Variants in ITGA11 observed in about 807,000 individuals in gnomAD.
ITGA11 encodes the protein integrin alpha-11.
ITGA11 carries 97 observed loss-of-function variants against 141.9 expected under a neutral mutation model. The observed-to-expected ratio is 0.68, with a 90% CI of 0.58 to 0.81. The LOEUF is 0.81. Among genes scored for constraint, ITGA11 ranks in the 30% least tolerant of loss-of-function variants. ITGA11 has a pLI of 0.00. For missense variants in ITGA11, 1,387 were observed against 1,559.2 expected (o/e 0.89, Z 1.86); for synonymous variants, 658 against 624.6 (o/e 1.05, Z -0.80).
intron 1 of ITGA11, among the ~76,000 whole-genome samples, chr15:68,405,905 C>T (rs7177979): frequency 0.55 from 83,044 of 151,918 alleles, 22,935 homozygotes; most frequent in Admixed American, 0.58. Flanking sequence ...CATGTATGCA[C>T]GCACGTGCAC....
Position 68,402,970 on chromosome 15 carries a change from T to A in ITGA11, c.112A>T (p.Thr38Ser). Residue 38 changes from threonine to serine, a missense_variant, in exon 2 of 30, where the codon ACC becomes TCC. Transcript: ENST00000315757. ...TGCACTGTGTAGCCAAAGAAGGCGG[T>A]CCTGGAGCCAGGGATGACCCGGGGC... ...RKPRVIPGSR[T>S]AFFGYTVQQH... 1 of 1,613,840 alleles carries A rather than the reference T, an allele frequency of 6.2e-7. No individual in the cohort carries two copies. The highest frequency in any genetic ancestry group is 8.5e-7 in the Non-Finnish European group (1 of 1,179,814).
chr15:68,414,237 C>T (rs894769808), intron 1 of ITGA11, among the ~76,000 whole-genome samples: 2 of 152,212 alleles, frequency 1.3e-5, no homozygotes, highest in Non-Finnish European at 2.9e-5. Context: ...AGCACCAGCT[C>T]CTTTGAGGCA....
chr15:68,320,262 T>G lies in ITGA11; in HGVS notation c.2539A>C (p.Arg847=), dbSNP rs903311852. The G allele has an allele frequency of 6.2e-7, 1 of 1,614,038 alleles. No homozygotes were observed. The highest frequency in any genetic ancestry group is 8.5e-7 in the Non-Finnish European group (1 of 1,179,892). ...ACCGTGCTGTAGGCGTTCTCGCCCC[T>G]GTTCTCCAGTGTGGCCTCCACCGCC... ...RVAVEATLEN[R]GENAYSTVLN... The change falls in exon 20 of 30, where the codon AGG becomes CGG. Residue 847 remains arginine (R), a synonymous_variant. Transcript: ENST00000315757.
At chr15:68,388,625 T>C (rs1896043083) in intron 2 of ITGA11, among the ~76,000 whole-genome samples, 1 of 152,180 alleles carries the variant, frequency 6.6e-6, no homozygotes, top group Admixed American at 6.5e-5. Flanking sequence ...TCAAGAAGTA[T>C]TAATGGAATG....
chr15:68,312,581 T>C (rs546504223), intron 24 of ITGA11, among the ~76,000 whole-genome samples, 192 bp downstream of exon 24: 2 of 152,110 alleles, frequency 1.3e-5, no homozygotes, highest in South Asian at 4.2e-4. Flanking sequence ...CCCACTGCAG[T>C]CCAGTTGTTT....
intron 22 of ITGA11, 100 bp downstream of exon 22, chr15:68,315,551 G>A (rs1322145054): frequency 3.0e-6 from 3 of 998,704 alleles, no homozygotes; most frequent in African/African-American, 3.2e-5. Context: ...ACAGGGCGTG[G>A]GGCAGCGGAC....
chr15:68,372,395 C>T (rs1355259636), intron 2 of ITGA11, among the ~76,000 whole-genome samples: 1 of 152,166 alleles, frequency 6.6e-6, no homozygotes, highest in Non-Finnish European at 1.5e-5. Flanking sequence ...CTCTCGGGGG[C>T]TTGATACCCT....
chr15:68,345,468 C>T (rs542732394), intron 10 of ITGA11, among the ~76,000 whole-genome samples: 100 of 152,304 alleles, frequency 6.6e-4, no homozygotes, highest in Non-Finnish European at 8.7e-4. Flanking sequence ...GCTCTGGTCC[C>T]TTCTCTCTCC....
chr15:68,413,810 T>C (rs1896830173), intron 1 of ITGA11, among the ~76,000 whole-genome samples: 1 of 152,204 alleles, frequency 6.6e-6, no homozygotes, highest in African/African-American at 2.4e-5. Context: ...TGTGGAGGAA[T>C]GCAAACTCAT....
chr15:68,410,066 T>G (rs2140422687), intron 1 of ITGA11, among the ~76,000 whole-genome samples: 1 of 152,168 alleles, frequency 6.6e-6, no homozygotes, highest in Admixed American at 6.5e-5. Context: ...CAGAACTGAC[T>G]GTTGACTCCT....
chr15:68,426,114 TC>T (rs968490060), intron 1 of ITGA11, among the ~76,000 whole-genome samples: 10 of 152,214 alleles, frequency 6.6e-5, no homozygotes, highest in African/African-American at 2.4e-4. Context: ...AGGTAGGTCT[TC>T]CAGCCTCACC....
intron 1 of ITGA11, among the ~76,000 whole-genome samples, chr15:68,423,999 GC>G (rs1359504925): frequency 6.6e-6 from 1 of 152,092 alleles, no homozygotes. Flanking sequence ...AGAACCCCCC[GC>G]CCCAGTGCCG....
At chr15:68,311,678 G>A (rs1037631554) in intron 24 of ITGA11, among the ~76,000 whole-genome samples, 2 of 152,136 alleles carry the variant, frequency 1.3e-5, no homozygotes, top group African/African-American at 2.4e-5. Context: ...CGGAGAGCAG[G>A]GGCCACCTGC....
intron 4 of ITGA11, among the ~76,000 whole-genome samples, chr15:68,363,931 C>T (rs549679054): frequency 6.6e-5 from 10 of 152,356 alleles, no homozygotes; most frequent in African/African-American, 2.4e-4. Flanking sequence ...TCCTATTAGA[C>T]ATTACTCGTT....
At chr15:68,413,383 A>G (rs771539214) in intron 1 of ITGA11, among the ~76,000 whole-genome samples, 1 of 152,052 alleles carries the variant, frequency 6.6e-6, no homozygotes, top group Non-Finnish European at 1.5e-5. Flanking sequence ...ATAAACCTCT[A>G]TTTGGGGTCT....
chr15:68,415,672 C>T (rs1279626316), intron 1 of ITGA11, among the ~76,000 whole-genome samples: 1 of 152,136 alleles, frequency 6.6e-6, no homozygotes, highest in Admixed American at 6.5e-5. Flanking sequence ...GGAGGAGGAG[C>T]CCTAGATAGG....
rs1895823564 is a variant in ITGA11, at chr15:68,380,180, C to T, written c.165-10896G>A. 3.3e-5 allele frequency among the ~76,000 whole-genome samples: 5 copies of T among 152,310 alleles called. 2 individuals are homozygous for T. In the South Asian group the frequency reaches 8.3e-4, roughly 25 times the overall value. On this transcript the variant is annotated intron_variant, in intron 2 of 29. Coordinates refer to ENST00000315757, the MANE Select transcript of ITGA11 (RefSeq NM_001004439.2). ...ACAACTGGTACCCTCATTCTTCCAG[C>T]TGTGTCTACCAGCCACAGGGATTTG...
intron 1 of ITGA11, among the ~76,000 whole-genome samples, chr15:68,408,648 T>C (rs1196124784): frequency 2.0e-5 from 3 of 152,142 alleles, no homozygotes; most frequent in African/African-American, 2.4e-5. Flanking sequence ...GGAGGTGTGA[T>C]TCTGGCCTTG....
In ITGA11 at chr15:68,300,552, A is replaced by G. The variant is rs1026083563; in HGVS notation, c.*2507T>C. 1 of 152,226 alleles carries G rather than the reference A, an allele frequency of 6.6e-6. No individual in the cohort carries two copies. The highest frequency in any genetic ancestry group is 6.5e-5 in the Admixed American group (1 of 15,284). The allele number at this position is 152,226 out of a possible 1,614,324, so 9.4% of individuals were successfully genotyped here. A position where few individuals can be genotyped will look rare whatever the true frequency, so the allele number is the denominator to read the frequency against. ...TATAAGATGCATCTTTGTTTGCTCTACCAGGCACTCTTAAGGCTCATCTTG... is the reference window on the plus strand; with the variant it reads ...TATAAGATGCATCTTTGTTTGCTCTGCCAGGCACTCTTAAGGCTCATCTTG... On this transcript the variant is annotated 3_prime_UTR_variant, in exon 30 of 30. Transcript: ENST00000315757.
Sources: allele counts gnomAD v4.1 joint callset (sites outside exome capture counted in the v4.1 genomes callset), GRCh38; gene constraint gnomAD v4.1.1; transcripts MANE v1.5; gene names NCBI Gene and HGNC (gene_info 2026-07-23, HGNC 2026-07-21).